Variants in DSCAML1 observed in about 807,000 individuals in gnomAD.
DSCAML1 encodes the protein cell adhesion molecule DSCAML1.
DSCAML1 carries 38 observed loss-of-function variants against 200.5 expected under a neutral mutation model. That is an observed-to-expected ratio of 0.19 (90% CI 0.15 to 0.25). The LOEUF (loss-of-function observed/expected upper bound fraction) is 0.25, where lower values mean the gene tolerates loss of function less well. DSCAML1 is among the 10% of genes least tolerant of loss of function. The pLI is 1.00. For synonymous variants in DSCAML1, 1,215 were observed against 1,165.0 expected (o/e 1.04, Z -0.87); for missense variants, 2,223 against 2,858.8 (o/e 0.78, Z 5.07).
At chr11:117,432,998 T>G in intron 29 of DSCAML1, 140 bp downstream of exon 29, 1 of 723,272 alleles carries the variant, frequency 1.4e-6, no homozygotes, top group South Asian at 1.6e-5. Flanking sequence ...CCACAGTGAG[T>G]TCTAAGGTTG....
rs566578276 is a variant in DSCAML1 at position 117,572,652 on chromosome 11, C to T, written c.512-40130G>A. ...GGGAATTATTAGGGAGTCCAACATC[C>T]GGTAGGGGATTGGGGGGAGGCGGGG... On this transcript the variant is annotated intron_variant, in intron 3 of 32. Transcript: ENST00000651296. 4.6e-5 allele frequency among the ~76,000 whole-genome samples: 7 copies of T among 152,204 alleles called. No homozygotes were observed. In the East Asian group the frequency reaches 9.6e-4, roughly 21 times the overall value.
intron 3 of DSCAML1, among the ~76,000 whole-genome samples, chr11:117,584,124 A>G (rs1042818534): frequency 2.6e-5 from 4 of 151,850 alleles, no homozygotes; most frequent in Non-Finnish European, 5.9e-5. Flanking sequence ...AAATAGAAAC[A>G]CATTTAAATT....
intron 3 of DSCAML1, among the ~76,000 whole-genome samples, chr11:117,659,810 C>G (rs1431642245): frequency 6.6e-6 from 1 of 152,132 alleles, no homozygotes; most frequent in Non-Finnish European, 1.5e-5. Context: ...CCTCCATCTC[C>G]TGGGTTCAAG....
rs1479413348 is a variant in DSCAML1 at position 117,572,905 on chromosome 11, GGGGGCA to G, written c.512-40389_512-40384del. Among the ~76,000 whole-genome samples, 7 of 152,300 alleles carry G rather than the reference GGGGGCA, an allele frequency of 4.6e-5. No individual in the cohort carries two copies. In the East Asian group the frequency reaches 1.4e-3, roughly 29 times the overall value. ...ATGTGGGGTCAATCAGGCATCGCCC[GGGGGCA>G]GAGGGAGAGGAGAAGTGACCTGTAG... On this transcript the variant is annotated intron_variant, in intron 3 of 32. Coordinates refer to ENST00000651296, the MANE Select transcript of DSCAML1 (RefSeq NM_020693.4).
At chr11:117,527,403 C>A (rs1486990298) in intron 4 of DSCAML1, among the ~76,000 whole-genome samples, 1 of 152,298 alleles carries the variant, frequency 6.6e-6, no homozygotes, top group African/African-American at 2.4e-5. Context: ...CTCAAGGCAG[C>A]GTTAAACCGC....
intron 3 of DSCAML1, among the ~76,000 whole-genome samples, chr11:117,667,874 G>A (rs1457353614): frequency 2.0e-5 from 3 of 152,188 alleles, no homozygotes; most frequent in Admixed American, 6.5e-5. Context: ...GCAGATTTGT[G>A]TTTGTAATTC....
At position 117,576,192 on chromosome 11, in the gene DSCAML1, A is replaced by G. The variant is rs549208550; in HGVS notation, c.512-43670T>C. ...TTCTAGGACCAACTGACCCCTTTAC[A>G]ATCAGGGTCTGTGAAGAAGTTGCCT... On this transcript the variant is annotated intron_variant, in intron 3 of 32. Coordinates refer to ENST00000651296, the MANE Select transcript of DSCAML1 (RefSeq NM_020693.4). 3.5e-4 allele frequency among the ~76,000 whole-genome samples: 53 copies of G among 152,218 alleles called. 1 individual carries two copies. In the South Asian group the frequency reaches 0.01, roughly 30 times the overall value.
intron 11 of DSCAML1, among the ~76,000 whole-genome samples, chr11:117,497,054 A>G (rs1592666011): frequency 6.6e-6 from 1 of 152,158 alleles, no homozygotes; most frequent in African/African-American, 2.4e-5. Flanking sequence ...ACAAAAGCCT[A>G]CAGCTTCTGA....
At chr11:117,703,857 T>C (rs745762734) in intron 3 of DSCAML1, among the ~76,000 whole-genome samples, 43 of 152,172 alleles carry the variant, frequency 2.8e-4, no homozygotes, top group Non-Finnish European at 4.8e-4. Context: ...GTGATGATGA[T>C]CAGCATCATA....
intron 3 of DSCAML1, among the ~76,000 whole-genome samples, chr11:117,657,020 G>A (rs866365069): frequency 6.6e-6 from 1 of 152,298 alleles, no homozygotes; most frequent in Middle Eastern, 3.4e-3. Flanking sequence ...CTTCACACTG[G>A]TTACTGAAGG....
At chr11:117,655,018 T>C (rs1591367451) in intron 3 of DSCAML1, among the ~76,000 whole-genome samples, 1 of 152,258 alleles carries the variant, frequency 6.6e-6, no homozygotes, top group South Asian at 2.1e-4. Context: ...TGTCCAGATG[T>C]TGTGGCAGCT....
At chr11:117,629,832 A>C (rs1234088882) in intron 3 of DSCAML1, among the ~76,000 whole-genome samples, 9 of 152,164 alleles carry the variant, frequency 5.9e-5, no homozygotes, top group Non-Finnish European at 7.3e-5. Context: ...CCCCATCGCT[A>C]CAAAAAATAA....
chr11:117,816,320 C>T (rs1416448539), intron 1 of DSCAML1, among the ~76,000 whole-genome samples: 2 of 152,212 alleles, frequency 1.3e-5, no homozygotes, highest in African/African-American at 2.4e-5. Flanking sequence ...GCCCTGGCTC[C>T]GAGGCCCAGG....
upstream of DSCAML1, chr11:117,797,240 G>A (rs761309234): frequency 3.0e-5 from 43 of 1,450,168 alleles, no homozygotes; most frequent in South Asian, 5.5e-4. Flanking sequence ...CTCCCTCCTC[G>A]GCTCCCCGGC....
intron 21 of DSCAML1, among the ~76,000 whole-genome samples, chr11:117,441,626 A>C (rs975849421): frequency 1.3e-5 from 2 of 152,146 alleles, no homozygotes; most frequent in African/African-American, 2.4e-5. Context: ...CAAGTGCCTC[A>C]GAGAGTAGAG....
chr11:117,611,711 C>A (rs970885346), intron 3 of DSCAML1: 1 of 152,182 alleles, frequency 6.6e-6, no homozygotes, highest in African/African-American at 2.4e-5. Context: ...GCACATCCAG[C>A]GGGGTTGTCA....
intron 3 of DSCAML1, among the ~76,000 whole-genome samples, chr11:117,645,910 A>T (rs1319110042): frequency 6.6e-6 from 1 of 152,088 alleles, no homozygotes; most frequent in East Asian, 1.9e-4. Flanking sequence ...TAATAAATAA[A>T]TAAATAAAAG....
At chr11:117,752,735 A>G (rs1000289839) in intron 3 of DSCAML1, among the ~76,000 whole-genome samples, 1 of 152,240 alleles carries the variant, frequency 6.6e-6, no homozygotes, top group Non-Finnish European at 1.5e-5. Flanking sequence ...CCCAGTCTGA[A>G]AATGAGGGAG....
intron 3 of DSCAML1, among the ~76,000 whole-genome samples, chr11:117,661,455 T>C (rs12282868): frequency 0.055 from 8,400 of 152,278 alleles, 742 homozygotes; most frequent in African/African-American, 0.19. Flanking sequence ...ACTGTAACTT[T>C]TGGTGATTGT....
Sources: gnomAD v4.1 joint callset for allele counts (sites outside exome capture counted in the v4.1 genomes callset) on GRCh38, gnomAD v4.1.1 for gene constraint, MANE v1.5 for transcripts, NCBI Gene and HGNC (gene_info 2026-07-23, HGNC 2026-07-21) for gene names.